The following PCDH11X variants were observed in gnomAD, a reference collection of about 807,000 sequenced individuals.
The protein encoded by PCDH11X is protocadherin-11 X-linked.
In PCDH11X, 18 loss-of-function variants were observed where a neutral mutation model predicts 53.3. That is an observed-to-expected ratio of 0.34 (90% confidence interval 0.23 to 0.50). The LOEUF is 0.50. Ranked by LOEUF, PCDH11X falls within the 20% of genes least tolerant of loss-of-function variation. PCDH11X has a pLI of 0.98. For missense variants in PCDH11X, 570 were observed against 1,032.4 expected, an observed-to-expected ratio of 0.55 and a Z score of 6.14; for synonymous variants, 279 against 393.3, an observed-to-expected ratio of 0.71 and a Z score of 3.44.
chrX:91,966,705 T>C (rs1299831623), intron 6 of PCDH11X, among the ~76,000 whole-genome samples: 1 of 111,729 alleles, frequency 9.0e-6, no homozygotes, highest in African/African-American at 3.3e-5. Flanking sequence ...AAAAGAAATA[T>C]TGAAAAGCTA....
At chrX:92,492,196 A>AT (rs936817216) in intron 10 of PCDH11X, among the ~76,000 whole-genome samples, 1 of 112,056 alleles carries the variant, frequency 8.9e-6, no homozygotes, top group African/African-American at 3.2e-5. Flanking sequence ...TGTATTTATT[A>AT]TTTTTTGTGC....
intron 4 of PCDH11X, among the ~76,000 whole-genome samples, chrX:91,824,306 G>C (rs1472287138): frequency 2.4e-4 from 26 of 110,379 alleles, no homozygotes; most frequent in African/African-American, 8.3e-4. Flanking sequence ...TCACTTTCAG[G>C]TACACCAATC....
intron 6 of PCDH11X, among the ~76,000 whole-genome samples, chrX:91,940,466 G>A (rs900341853): frequency 5.4e-5 from 6 of 111,562 alleles, no homozygotes; most frequent in Admixed American, 2.9e-4. Flanking sequence ...TGGAAGAGGA[G>A]ATATAGAAGT....
chrX:92,041,773 C>A (rs891519616), intron 6 of PCDH11X, among the ~76,000 whole-genome samples: 10 of 111,426 alleles, frequency 9.0e-5, no homozygotes, highest in Non-Finnish European at 1.5e-4. Flanking sequence ...AGTTCGAGAG[C>A]AGCCTGACAA....
chrX:92,087,251 C>A (rs2063971288), intron 6 of PCDH11X, among the ~76,000 whole-genome samples: 1 of 108,553 alleles, frequency 9.2e-6, no homozygotes, highest in Non-Finnish European at 1.9e-5. Context: ...GGCACCACCA[C>A]GCCTGGCTAA....
Position 92,214,574 on chromosome X carries a change from A to C in PCDH11X, c.3114+13119A>C, listed in dbSNP as rs544418958. ...TAAAGTGAGCGTATGGGAGATGTTC[A>C]ATAACCAGGTAATCAATTCCGTTTT... On this transcript the variant is annotated intron_variant, in intron 7 of 10. Transcript: ENST00000682573. 4.4e-4 allele frequency among the ~76,000 whole-genome samples: 49 copies of C among 112,164 alleles called. 1 individual carries two copies. The South Asian group carries it at 0.018, about 41-fold the overall frequency.
chrX:92,602,159 G>C (rs902706316), intron 10 of PCDH11X, among the ~76,000 whole-genome samples: 1 of 111,082 alleles, frequency 9.0e-6, no homozygotes, highest in African/African-American at 3.3e-5. Flanking sequence ...GATAAATACA[G>C]AGAGCTCCAA....
At chrX:92,570,944 A>T (rs1922142241) in intron 10 of PCDH11X, among the ~76,000 whole-genome samples, 1 of 111,625 alleles carries the variant, frequency 9.0e-6, no homozygotes, top group Admixed American at 9.6e-5. Flanking sequence ...ATAAACACAT[A>T]GATATGATTC....
chrX:92,385,125 AC>A (rs2148570135), intron 8 of PCDH11X, among the ~76,000 whole-genome samples: 1 of 79,463 alleles, frequency 1.3e-5, no homozygotes, highest in African/African-American at 4.6e-5. Flanking sequence ...AAGCAACTAA[AC>A]TTTTTATAAA....
At position 92,429,069 on chromosome X, in the gene PCDH11X, A is replaced by G. The variant is rs368926458; in HGVS notation, c.3344-39230A>G. On this transcript the variant is annotated intron_variant, in intron 9 of 10. Coordinates refer to ENST00000682573, the MANE Select transcript of PCDH11X (RefSeq NM_032968.5). ...AAAATAAAATGCTAACTTATAGGGA[A>G]AATGATAACTAATTTTCTTGGCAGT... is the stretch of plus-strand genomic sequence containing the variant. 5.0e-3 allele frequency among the ~76,000 whole-genome samples: 555 copies of G among 111,089 alleles called. 11 individuals carry two copies. The South Asian group carries it at 0.061, about 12-fold the overall frequency.
At chrX:91,891,101 T>A (rs1221967454) in intron 6 of PCDH11X, among the ~76,000 whole-genome samples, 1 of 109,495 alleles carries the variant, frequency 9.1e-6, no homozygotes, top group Non-Finnish European at 1.9e-5. Flanking sequence ...ACTTTTAAAA[T>A]ATTGTTTTGG....
chrX:91,988,718 G>A (rs2062265636), intron 6 of PCDH11X, among the ~76,000 whole-genome samples: 1 of 112,364 alleles, frequency 8.9e-6, no homozygotes, highest in Non-Finnish European at 1.9e-5. Context: ...TATGGCCACT[G>A]CTCCTGGCTG....
intron 6 of PCDH11X, among the ~76,000 whole-genome samples, chrX:91,966,305 G>A (rs2061862927): frequency 9.0e-6 from 1 of 111,169 alleles, no homozygotes; most frequent in Non-Finnish European, 1.9e-5. Context: ...AGTTTCAAGA[G>A]AATGAATTTC....
At chrX:92,080,146 A>C (rs1035247093) in intron 6 of PCDH11X, among the ~76,000 whole-genome samples, 9 of 111,112 alleles carry the variant, frequency 8.1e-5, no homozygotes, top group Admixed American at 6.7e-4. Context: ...CAAGATTCCA[A>C]GAGTGTAGCT....
At chrX:91,908,388 A>G (rs1302984376) in intron 6 of PCDH11X, among the ~76,000 whole-genome samples, 5 of 112,433 alleles carry the variant, frequency 4.4e-5, no homozygotes, top group Admixed American at 1.9e-4. Flanking sequence ...GACACTTCTC[A>G]AAAGAAGACT....
intron 6 of PCDH11X, among the ~76,000 whole-genome samples, chrX:92,176,202 G>A (rs2065908371): frequency 9.0e-6 from 1 of 111,483 alleles, no homozygotes; most frequent in African/African-American, 3.3e-5. Flanking sequence ...TTCTCAGATA[G>A]GATCTTGACA....
At chrX:92,345,628 C>T (rs1470066025) in intron 8 of PCDH11X, among the ~76,000 whole-genome samples, 5 of 111,154 alleles carry the variant, frequency 4.5e-5, no homozygotes, top group African/African-American at 1.6e-4. Context: ...TTAATAACTG[C>T]AATAATGTCA....
intron 6 of PCDH11X, among the ~76,000 whole-genome samples, chrX:92,041,382 T>G (rs1602738655): frequency 9.0e-6 from 1 of 111,403 alleles, no homozygotes; most frequent in East Asian, 2.8e-4. Context: ...GGTAAGAGAG[T>G]TTTTGTGTTT....
chrX:92,153,225 C>A (rs1286047909), intron 6 of PCDH11X, among the ~76,000 whole-genome samples: 1 of 108,649 alleles, frequency 9.2e-6, no homozygotes, highest in African/African-American at 3.3e-5. Flanking sequence ...TGTATAGTTC[C>A]TTTGTCTGAA....
Sources: gnomAD v4.1 joint callset for allele counts (sites outside exome capture counted in the v4.1 genomes callset) on GRCh38, gnomAD v4.1.1 for gene constraint, MANE v1.5 for transcripts, NCBI Gene and HGNC (gene_info 2026-07-23, HGNC 2026-07-21) for gene names.